The following ZC3H3 variants were observed in gnomAD, a reference collection of about 807,000 sequenced individuals.
The protein encoded by ZC3H3 is zinc finger CCCH domain-containing protein 3.
ZC3H3 carries 36 observed loss-of-function variants against 77.3 expected under a neutral mutation model. The ratio of observed to expected loss-of-function variants is 0.47; its 90% CI spans 0.36 to 0.61. ZC3H3 has a LOEUF of 0.61. Ranked by LOEUF, ZC3H3 falls within the 20% of genes least tolerant of loss-of-function variation. The probability of loss-of-function intolerance (pLI) is 0.00; values close to 1 mark genes in which losing one functional copy is unlikely to be tolerated. For missense variants in ZC3H3, 1,331 were observed against 1,312.2 expected (o/e 1.01, Z -0.22); for synonymous variants, 626 against 555.2 (o/e 1.13, Z -1.79).
At chr8:143,518,456 C>T (rs1012000182) in intron 3 of ZC3H3, among the ~76,000 whole-genome samples, 2 of 152,236 alleles carry the variant, frequency 1.3e-5, no homozygotes, top group African/African-American at 4.8e-5. Flanking sequence ...GTCCTGGCAA[C>T]ACCCTCCACA....
At chr8:143,481,364 T>A (rs1586909035) in intron 4 of ZC3H3, among the ~76,000 whole-genome samples, 1 of 152,072 alleles carries the variant, frequency 6.6e-6, no homozygotes, top group African/African-American at 2.4e-5. Flanking sequence ...CCACCGAAGT[T>A]CCCATGCCAG....
intron 4 of ZC3H3, among the ~76,000 whole-genome samples, chr8:143,479,478 C>T (rs1032362662): frequency 6.6e-6 from 1 of 152,204 alleles, no homozygotes; most frequent in South Asian, 2.1e-4. Context: ...ATCTAAAGGC[C>T]TCTCCCATCC....
At chr8:143,468,167 G>A in intron 8 of ZC3H3, 42 bp downstream of exon 8, 1 of 1,588,652 alleles carries the variant, frequency 6.3e-7, no homozygotes, top group Non-Finnish European at 8.6e-7. Context: ...TGAGGCCCCG[G>A]AGAAAGGTGC....
rs1586900262 is a variant in ZC3H3, at chr8:143,473,942, G to A, written c.1903+1456C>T. On this transcript the variant is annotated intron_variant, in intron 5 of 11. Transcript: ENST00000262577. ...GCCCCTCCCCTCCACGATACAAACA[G>A]CTGTGTGTAGCCCCACAGGCCACCA... Among the ~76,000 whole-genome samples, 3 of 152,286 alleles carry A rather than the reference G, an allele frequency of 2.0e-5. No individual in the cohort carries two copies. The South Asian group carries it at 6.2e-4, about 32-fold the overall frequency.
chr8:143,481,667 T>G (rs1207858765), intron 4 of ZC3H3, among the ~76,000 whole-genome samples: 1 of 152,212 alleles, frequency 6.6e-6, no homozygotes, highest in Non-Finnish European at 1.5e-5. Flanking sequence ...ATGGGGACCT[T>G]CCAGGACCCT....
At chr8:143,479,770 G>A (rs1820856733) in intron 4 of ZC3H3, among the ~76,000 whole-genome samples, 1 of 152,172 alleles carries the variant, frequency 6.6e-6, no homozygotes, top group South Asian at 2.1e-4. Context: ...ACTACACCAG[G>A]GCGAGGCTGG....
rs936436602 is a variant in ZC3H3 at position 143,462,802 on chromosome 8, C to T, written c.2307+2915G>A. Among the ~76,000 whole-genome samples the T allele has an allele frequency of 1.3e-5, 2 of 152,202 alleles. No individual in the cohort carries two copies. Among genetic ancestry groups the T allele is most frequent in the African/African-American group, 4.8e-5 (2 of 41,448 alleles). On this transcript the variant is annotated intron_variant, in intron 9 of 11. Coordinates refer to ENST00000262577, the MANE Select transcript of ZC3H3 (RefSeq NM_015117.3). This position sits in a 1 kb window ranked among gnomAD's most constrained non-coding sequence, Gnocchi z 4.7. ...ATGGAGTCACTGTCACCCCTGCACACGTGCACACGATGCTCCCCAGCCCTG... is the reference window on the plus strand; with the variant it reads ...ATGGAGTCACTGTCACCCCTGCACATGTGCACACGATGCTCCCCAGCCCTG...
intron 9 of ZC3H3, among the ~76,000 whole-genome samples, chr8:143,446,841 G>C (rs1819873326): frequency 6.6e-6 from 1 of 152,232 alleles, no homozygotes; most frequent in South Asian, 2.1e-4. Context: ...GCCTGGACTG[G>C]GGCCCGCAAC....
intron 8 of ZC3H3, among the ~76,000 whole-genome samples, chr8:143,467,054 C>T (rs907511292): frequency 3.3e-5 from 5 of 151,820 alleles, no homozygotes; most frequent in African/African-American, 4.8e-5. Flanking sequence ...GGTGATTTAA[C>T]GAGCGGGAGT....
chr8:143,438,052 G>C lies in ZC3H3; in HGVS notation c.*4C>G. ...AGGTAGGTGCAGGCCGGTCCCTGGG[G>C]TCCTCACAGACGTGGTTTGATGTGC... On this transcript the variant is annotated 3_prime_UTR_variant, in exon 12 of 12. Transcript: ENST00000262577. The C allele has an allele frequency of 6.2e-7, 1 of 1,610,944 alleles. No individual in the cohort carries two copies. Among genetic ancestry groups the C allele is most frequent in the Non-Finnish European group, 8.5e-7 (1 of 1,178,862 alleles).
At chr8:143,473,137 G>GT (rs1455800986) in intron 5 of ZC3H3, among the ~76,000 whole-genome samples, 2 of 152,172 alleles carry the variant, frequency 1.3e-5, no homozygotes, top group African/African-American at 4.8e-5. Flanking sequence ...TACTACTATC[G>GT]TGACTACCGG....
intron 3 of ZC3H3, among the ~76,000 whole-genome samples, chr8:143,520,057 C>T (rs1586951847): frequency 6.6e-6 from 1 of 152,312 alleles, no homozygotes; most frequent in African/African-American, 2.4e-5. Context: ...CACAATGGAA[C>T]TGGGTGGGCT....
In ZC3H3 at chr8:143,541,287, G is replaced by A. The variant is rs559649436; in HGVS notation, c.46+89C>T. 1.0e-5 allele frequency: 16 copies of A among 1,586,180 alleles called. No homozygotes were observed. The Admixed American group carries it at 2.2e-4, about 22-fold the overall frequency. ...CCGCCACCCAGAACACGCGGGCGGT[G>A]AGCGACCCCTTCGACAAGGGGGCAG... is the stretch of plus-strand genomic sequence containing the variant. On this transcript the variant is annotated intron_variant, in intron 1 of 11. Transcript: ENST00000262577.
intron 3 of ZC3H3, among the ~76,000 whole-genome samples, chr8:143,515,063 C>A (rs2130444432): frequency 6.6e-6 from 1 of 152,342 alleles, no homozygotes; most frequent in East Asian, 1.9e-4. Flanking sequence ...TGCCTTGCAC[C>A]CACCGTCTGG....
chr8:143,496,490 C>T (rs1158422047), intron 4 of ZC3H3, among the ~76,000 whole-genome samples: 1 of 152,210 alleles, frequency 6.6e-6, no homozygotes, highest in Non-Finnish European at 1.5e-5. Flanking sequence ...AAGGCTGGGA[C>T]CACCTGAGAA....
chr8:143,472,252 C>T (rs1214017251), intron 5 of ZC3H3, among the ~76,000 whole-genome samples: 1 of 152,264 alleles, frequency 6.6e-6, no homozygotes, highest in Non-Finnish European at 1.5e-5. Context: ...CTGGGGGAAC[C>T]AGACTGGCTC....
At chr8:143,498,720 GGGGCGGA>G (rs1821426673) in intron 4 of ZC3H3, among the ~76,000 whole-genome samples, 1 of 148,702 alleles carries the variant, frequency 6.7e-6, no homozygotes, top group African/African-American at 2.5e-5. Context: ...GGTACAGGGC[GGGGCGGA>G]GGGGCACAGG....
intron 4 of ZC3H3, among the ~76,000 whole-genome samples, chr8:143,489,489 G>A (rs767702038): frequency 6.6e-5 from 10 of 152,182 alleles, no homozygotes; most frequent in Middle Eastern, 3.4e-3. Context: ...CCCGCCCACC[G>A]CCCTGGCCAG....
chr8:143,472,908 G>T (rs1348257749), intron 5 of ZC3H3, among the ~76,000 whole-genome samples: 2 of 152,226 alleles, frequency 1.3e-5, no homozygotes, highest in Non-Finnish European at 2.9e-5. Flanking sequence ...GCCACTCCCT[G>T]AGTGGGTGGG....
Sources: gnomAD v4.1 joint callset for allele counts (sites outside exome capture counted in the v4.1 genomes callset) on GRCh38, gnomAD v4.1.1 for gene constraint, Gnocchi (gnomAD v3.1) non-coding constraint, MANE v1.5 for transcripts, NCBI Gene and HGNC (gene_info 2026-07-23, HGNC 2026-07-21) for gene names.